The following WAC variants were observed in gnomAD, a reference collection of about 807,000 sequenced individuals.
The protein encoded by WAC is WW domain containing adaptor with coiled-coil.
A neutral mutation model predicts 79.6 loss-of-function variants in WAC; 11 were observed. That is an observed-to-expected ratio of 0.14 (90% CI 0.09 to 0.23). WAC has a LOEUF of 0.23. Ranked by LOEUF, WAC falls within the 10% of genes least tolerant of loss-of-function variation. The probability of loss-of-function intolerance (pLI) is 1.00; values close to 1 mark genes in which losing one functional copy is unlikely to be tolerated. For missense variants in WAC, 728 were observed against 773.5 expected (o/e 0.94, Z 0.70); for synonymous variants, 304 against 276.9 (o/e 1.10, Z -0.97).
At chr10:28,581,577 CAG>C (rs1233405491) in intron 3 of WAC, among the ~76,000 whole-genome samples, 2 of 151,986 alleles carry the variant, frequency 1.3e-5, no homozygotes, top group South Asian at 2.1e-4. Context: ...TTTTTTGAGA[CAG>C]AGTCTTGCTC....
intron 4 of WAC, among the ~76,000 whole-genome samples, chr10:28,588,367 T>G (rs917846536): frequency 2.6e-5 from 4 of 152,208 alleles, no homozygotes; most frequent in South Asian, 2.1e-4. Context: ...TATTTTGGGA[T>G]GTAAACCTGA....
chr10:28,533,561 A>T lies in WAC; in HGVS notation c.-19A>T, dbSNP rs528248662. The T allele has an allele frequency of 1.8e-5, 27 of 1,482,680 alleles. No homozygotes were observed. Among genetic ancestry groups the T allele is most frequent in the Non-Finnish European group, 2.4e-5 (27 of 1,106,650 alleles). 91.8% of individuals were successfully genotyped at this position (1,482,680 alleles called of 1,614,324 possible). A position where few individuals can be genotyped will look rare whatever the true frequency, so the allele number is the denominator to read the frequency against. ...CCGCTCTCCCCCCTCCCCGACACACACTCACAGGCCGGGCATTGATGGTAA... is the reference window on the plus strand; with the variant it reads ...CCGCTCTCCCCCCTCCCCGACACACTCTCACAGGCCGGGCATTGATGGTAA... On this transcript the variant is annotated 5_prime_UTR_variant, in exon 1 of 14. Coordinates refer to ENST00000354911, the MANE Select transcript of WAC (RefSeq NM_016628.5).
intron 3 of WAC, among the ~76,000 whole-genome samples, chr10:28,553,176 GAAAC>G (rs1837786348): frequency 6.6e-6 from 1 of 152,100 alleles, no homozygotes; most frequent in Non-Finnish European, 1.5e-5. Flanking sequence ...TTTAAATTGA[GAAAC>G]AAGGTTGAAA....
intron 3 of WAC, among the ~76,000 whole-genome samples, chr10:28,542,038 A>G (rs1429443680): frequency 1.3e-5 from 2 of 151,940 alleles, no homozygotes; most frequent in Non-Finnish European, 2.9e-5. Flanking sequence ...GTGTCTGGGT[A>G]TTTTTTCAGC....
chr10:28,574,623 T>C (rs1004821746), intron 3 of WAC, among the ~76,000 whole-genome samples: 9 of 152,062 alleles, frequency 5.9e-5, no homozygotes, highest in Admixed American at 6.6e-5. Flanking sequence ...TTTGTATTTT[T>C]AGTAGAGGCG....
At chr10:28,598,882 C>A (rs1840506373) in intron 7 of WAC, among the ~76,000 whole-genome samples, 1 of 152,194 alleles carries the variant, frequency 6.6e-6, no homozygotes, top group Non-Finnish European at 1.5e-5. Context: ...GGAAGAAACT[C>A]GATTACCTAC....
intron 3 of WAC, among the ~76,000 whole-genome samples, chr10:28,542,135 A>T (rs973382603): frequency 1.3e-5 from 2 of 152,142 alleles, no homozygotes; most frequent in Non-Finnish European, 2.9e-5. Flanking sequence ...GGGGCTCTGC[A>T]CATTATGTGC....
chr10:28,568,593 G>A (rs1371095769), intron 3 of WAC, among the ~76,000 whole-genome samples: 5 of 151,838 alleles, frequency 3.3e-5, no homozygotes, highest in Admixed American at 6.6e-5. Flanking sequence ...TGTGCACAAC[G>A]TGAGGTTTGT....
intron 3 of WAC, among the ~76,000 whole-genome samples, chr10:28,552,108 G>A (rs1164679422): frequency 6.6e-6 from 1 of 152,126 alleles, no homozygotes; most frequent in African/African-American, 2.4e-5. Context: ...CCACCACCAC[G>A]CCCAGCCCTT....
intron 10 of WAC, 25 bp downstream of exon 10, chr10:28,611,947 G>T: frequency 1.3e-6 from 2 of 1,597,978 alleles, no homozygotes; most frequent in Non-Finnish European, 1.7e-6. Flanking sequence ...AGGGACATTC[G>T]GAAAAGAAAC....
rs1164941986 is a variant in WAC, at chr10:28,620,837, T to A, written c.*1231T>A. The A allele has an allele frequency of 6.6e-6, 1 of 152,252 alleles. No individual in the cohort carries two copies. Among genetic ancestry groups the A allele is most frequent in the East Asian group, 1.9e-4 (1 of 5,204 alleles). 9.4% of individuals were successfully genotyped at this position (152,252 alleles called of 1,614,324 possible). A position where few individuals can be genotyped will look rare whatever the true frequency, so the allele number is the denominator to read the frequency against. On this transcript the variant is annotated 3_prime_UTR_variant, in exon 14 of 14. Transcript: ENST00000354911. ...GGATGTTTGTGTTGTAGCTAACTGT[T>A]CAAGTCTGGTGCTGACTGCTGTTCT...
intron 3 of WAC, among the ~76,000 whole-genome samples, chr10:28,539,838 C>A (rs12414430): frequency 6.6e-6 from 1 of 151,898 alleles, no homozygotes; most frequent in Non-Finnish European, 1.5e-5. Flanking sequence ...GGATTACAGG[C>A]GTGAGTCACC....
intron 10 of WAC, among the ~76,000 whole-genome samples, chr10:28,613,045 G>A (rs888578389): frequency 1.3e-5 from 2 of 152,092 alleles, no homozygotes; most frequent in African/African-American, 4.8e-5. Context: ...CACTTAGGAG[G>A]CCAAGGCAGG....
At chr10:28,536,606 G>A (rs997440682) in intron 3 of WAC, among the ~76,000 whole-genome samples, 1 of 152,036 alleles carries the variant, frequency 6.6e-6, no homozygotes, top group African/African-American at 2.4e-5. Context: ...TTTATACCTG[G>A]TTCATTGAAA....
Position 28,533,558 on chromosome 10 carries a change from C to G in WAC, c.-22C>G. 2 of 1,493,338 alleles carry G rather than the reference C, an allele frequency of 1.3e-6. No individual in the cohort carries two copies. The highest frequency in any genetic ancestry group is 1.8e-6 in the Non-Finnish European group (2 of 1,112,528). The allele number at this position is 1,493,338 out of a possible 1,614,324, so 92.5% of individuals were successfully genotyped here. ...CGGCCGCTCTCCCCCCTCCCCGACA[C>G]ACACTCACAGGCCGGGCATTGATGG... On this transcript the variant is annotated 5_prime_UTR_variant, in exon 1 of 14. Coordinates refer to ENST00000354911, the MANE Select transcript of WAC (RefSeq NM_016628.5).
intron 8 of WAC, 148 bp from the exon 9 acceptor site, chr10:28,610,551 G>A (rs866063550): frequency 1.0e-5 from 7 of 685,120 alleles, no homozygotes; most frequent in Middle Eastern, 4.4e-4. Context: ...GGGACCCATT[G>A]TATTACTCCT....
intron 3 of WAC, among the ~76,000 whole-genome samples, chr10:28,581,238 CTTTTTT>C (rs71391053): frequency 0.022 from 1,481 of 66,108 alleles, 22 homozygotes; most frequent in African/African-American, 0.035. Context: ...ATGAGCGATT[CTTTTTT>C]TTTTTTTTTT....
At chr10:28,586,646 C>T (rs1356599042) in intron 4 of WAC, among the ~76,000 whole-genome samples, 1 of 152,016 alleles carries the variant, frequency 6.6e-6, no homozygotes, top group Non-Finnish European at 1.5e-5. Context: ...TATGGTTGCG[C>T]CACTGCACCT....
chr10:28,557,583 G>A (rs332127), intron 3 of WAC, among the ~76,000 whole-genome samples: 92,140 of 151,822 alleles, frequency 0.61, 29,114 homozygotes, highest in African/African-American at 0.78. Context: ...GGTCTCAGCT[G>A]TTTGAGAGGC....
Sources: gnomAD v4.1 joint callset for allele counts (sites outside exome capture counted in the v4.1 genomes callset) on GRCh38, gnomAD v4.1.1 for gene constraint, MANE v1.5 for transcripts, NCBI Gene and HGNC (gene_info 2026-07-23, HGNC 2026-07-21) for gene names.